GBP2: variants seen among roughly 807,000 people sequenced by gnomAD.
GBP2 encodes the protein guanylate binding protein 2, also known as guanylate-binding protein 2.
Under a neutral mutation model 60.8 loss-of-function variants are expected in GBP2, and 54 were observed. That is an observed-to-expected ratio of 0.89 (90% CI 0.71 to 1.11). The LOEUF is 1.11. Ranked by LOEUF, GBP2 falls within the 50% of genes most tolerant of loss-of-function variation. The probability of loss-of-function intolerance (pLI) is 0.00; values close to 1 mark genes in which losing one functional copy is unlikely to be tolerated. For missense variants in GBP2, 665 were observed against 703.3 expected, an observed-to-expected ratio of 0.95 and a Z score of 0.62; for synonymous variants, 243 against 256.5, an observed-to-expected ratio of 0.95 and a Z score of 0.50.
rs1273663495 is a variant in GBP2 at position 89,107,153 on chromosome 1, A to G, written c.*1022T>C. Reference sequence around the variant, plus strand: ...ATAATACACATCCTGAAACAATTGTAGTAGGATAATGTTTTGTATTAATGA... The same window carrying G: ...ATAATACACATCCTGAAACAATTGTGGTAGGATAATGTTTTGTATTAATGA... On this transcript the variant is annotated 3_prime_UTR_variant, in exon 11 of 11. Coordinates refer to ENST00000370466, the MANE Select transcript of GBP2 (RefSeq NM_004120.5). 1 of 152,122 alleles carries G rather than the reference A, an allele frequency of 6.6e-6. No homozygotes were observed. Among genetic ancestry groups the G allele is most frequent in the Non-Finnish European group, 1.5e-5 (1 of 68,020 alleles). 9.4% of individuals were successfully genotyped at this position (152,122 alleles called of 1,614,324 possible).
intron 10 of GBP2, among the ~76,000 whole-genome samples, chr1:89,108,690 C>G (rs1246282886): frequency 4.6e-5 from 7 of 152,070 alleles, no homozygotes; most frequent in Non-Finnish European, 8.8e-5. Context: ...TAACTCAAGA[C>G]TAGGGCAAGT....
At chr1:89,119,521 A>G (rs1022234796) in intron 4 of GBP2, 1 of 152,212 alleles carries the variant, frequency 6.6e-6, no homozygotes, top group African/African-American at 2.4e-5. Flanking sequence ...ATAATTGTCT[A>G]TTGGTTGCTA....
rs372694037 is a variant in GBP2 at position 89,122,099 on chromosome 1, G to A, written c.-17-116C>T. On this transcript the variant is annotated intron_variant, in intron 1 of 10. Coordinates refer to ENST00000370466, the MANE Select transcript of GBP2 (RefSeq NM_004120.5). ...TATGCTTGAACATTTTTTCATATAC[G>A]TTTTTTAAAGCCTGGTTTCTCTTTA... The A allele has an allele frequency of 4.3e-4, 266 of 617,126 alleles. 12 individuals are homozygous for A. Among genetic ancestry groups the A allele is most frequent in the African/African-American group, 2.4e-3 (127 of 53,118 alleles). The allele number at this position is 617,126 out of a possible 1,614,324, so 38.2% of individuals were successfully genotyped here. A position where few individuals can be genotyped will look rare whatever the true frequency, so the allele number is the denominator to read the frequency against.
intron 1 of GBP2, among the ~76,000 whole-genome samples, chr1:89,124,399 GAT>G (rs1386968262): frequency 2.0e-5 from 3 of 151,930 alleles, no homozygotes; most frequent in African/African-American, 7.3e-5. Flanking sequence ...TTTTTTTCTA[GAT>G]ATGTCACATT....
Position 89,109,861 on chromosome 1 carries a change from A to G in GBP2, c.1475T>C (p.Ile492Thr). 5.6e-6 allele frequency: 9 copies of G among 1,612,764 alleles called. No homozygotes were observed. Among genetic ancestry groups the G allele is most frequent in the Non-Finnish European group, 6.8e-6 (8 of 1,179,648 alleles). The change falls in exon 10 of 11, where the codon ATA becomes ACA. Residue 492 changes from isoleucine to threonine, a missense_variant. Physicochemically the swap from Ile to Thr is moderately conservative, Grantham distance 89. Coordinates refer to ENST00000370466, the MANE Select transcript of GBP2 (RefSeq NM_004120.5). Reference sequence around the variant, plus strand: ...TGCAGCTTCTGCAGATTCAGCCTTTATACGTTCCACTGTGGAAGAAAAATA... The same window carrying G: ...TGCAGCTTCTGCAGATTCAGCCTTTGTACGTTCCACTGTGGAAGAAAAATA... ...EKEKAIEVER[I>T]KAESAEAAKK... is the part of the protein sequence containing the mutation.
chr1:89,109,120 C>T (rs913011213), intron 10 of GBP2, among the ~76,000 whole-genome samples: 5 of 152,028 alleles, frequency 3.3e-5, no homozygotes, highest in African/African-American at 1.2e-4. Flanking sequence ...GTCTTGAACT[C>T]CCGACCTGAG....
rs1309236751 is a variant in GBP2 at position 89,117,590 on chromosome 1, T to C, written c.612A>G (p.Leu204=). The C allele has an allele frequency of 7.4e-6, 12 of 1,613,060 alleles. No individual in the cohort carries two copies. The highest frequency in any genetic ancestry group is 2.7e-5 in the African/African-American group (2 of 74,864). Residue 204 remains leucine, a synonymous_variant, in exon 5 of 11, where the codon CTA becomes CTG. Transcript: ENST00000370466. ...AGACCCAGTAACCTTTTCTTAGCTT[T>C]AGCGAAAGCTCCAAGTAGTCATCAG... ...ITADDYLELS[L]KLRKGTDKKS... is the part of the protein sequence containing the mutation.
intron 5 of GBP2, 93 bp from the exon 6 acceptor site, chr1:89,117,327 G>A (rs1335030174): frequency 3.5e-6 from 4 of 1,153,798 alleles, no homozygotes; most frequent in Non-Finnish European, 4.9e-6. Flanking sequence ...GCCCATGTAA[G>A]GAGGAAATTT....
chr1:89,117,343 G>A (rs1681298880), intron 5 of GBP2, 109 bp from the exon 6 acceptor site: 1 of 1,046,762 alleles, frequency 9.6e-7, no homozygotes, highest in African/African-American at 1.6e-5. Context: ...AATTTATTAG[G>A]AAGAAGAAAT....
Position 89,117,217 on chromosome 1 carries a change from T to C in GBP2, c.643A>G (p.Lys215Glu), listed in dbSNP as rs778639191. ...CACAACCGAGGATCATTAAAGCTTT[T>C]ACTTTTCTTATCAGTACCTACAGGA... ...KLRKGTDKKS[K>E]SFNDPRLCIR... The change falls in exon 6 of 11, where the codon AAA becomes GAA. Residue 215 changes from lysine (K) to glutamate (E), a missense_variant. By Grantham distance (56) the Lys-to-Glu change is moderately conservative. Coordinates refer to ENST00000370466, the MANE Select transcript of GBP2 (RefSeq NM_004120.5). 1.2e-6 allele frequency: 2 copies of C among 1,613,718 alleles called. No homozygotes were observed. Among genetic ancestry groups the C allele is most frequent in the Non-Finnish European group, 1.7e-6 (2 of 1,179,610 alleles).
chr1:89,115,967 T>A (rs4656097), intron 6 of GBP2, among the ~76,000 whole-genome samples: 96,307 of 151,766 alleles, frequency 0.63, 31,082 homozygotes, highest in East Asian at 0.78. Context: ...TTATTTGCTA[T>A]AAAGCTATTC....
At chr1:89,113,932 A>G (rs7517828) in intron 7 of GBP2, 84 bp downstream of exon 7, 43,157 of 1,443,248 alleles carry the variant, frequency 0.03, 1,017 homozygotes, top group African/African-American at 0.11. Context: ...ACTGAGTGTA[A>G]CTATTTTGGG....
At chr1:89,117,287 A>G (rs1681297514) in intron 5 of GBP2, 53 bp from the exon 6 acceptor site, 1 of 1,430,754 alleles carries the variant, frequency 7.0e-7, no homozygotes, top group Non-Finnish European at 9.7e-7. Context: ...TACTTCAAAT[A>G]TGATCTTTCA....
intron 8 of GBP2, among the ~76,000 whole-genome samples, chr1:89,110,493 T>C (rs972163325): frequency 6.6e-6 from 1 of 152,046 alleles, no homozygotes; most frequent in Non-Finnish European, 1.5e-5. Context: ...ATGTAAAACA[T>C]ATAATACCCC....
chr1:89,120,597 A>ATTTC (rs3835536), intron 3 of GBP2, among the ~76,000 whole-genome samples: 3,034 of 152,320 alleles, frequency 0.02, 38 homozygotes, highest in Middle Eastern at 0.065. Flanking sequence ...ACCCTATTCC[A>ATTTC]TTTCCATGGC....
chr1:89,121,283 A>G lies in GBP2; in HGVS notation c.191-13T>C. 6.3e-7 allele frequency: 1 copy of G among 1,581,172 alleles called. No homozygotes were observed. The highest frequency in any genetic ancestry group is 8.6e-7 in the Non-Finnish European group (1 of 1,166,428). On this transcript the variant is annotated splice_polypyrimidine_tract_variant and intron_variant, in intron 2 of 10. Coordinates refer to ENST00000370466, the MANE Select transcript of GBP2 (RefSeq NM_004120.5). Reference sequence around the variant, plus strand: ...CCTAGAGAGAAGCCTGTAGAAGGAGAGGATAAAAGGGAAAAGAAATTACTT... The same window carrying G: ...CCTAGAGAGAAGCCTGTAGAAGGAGGGGATAAAAGGGAAAAGAAATTACTT...
intron 9 of GBP2, 89 bp downstream of exon 9, chr1:89,110,075 T>A: frequency 9.8e-7 from 1 of 1,019,248 alleles, no homozygotes; most frequent in African/African-American, 1.6e-5. Flanking sequence ...CCATTCTTTC[T>A]CTACAATAAT....
chr1:89,114,605 A>G (rs1365520684), intron 6 of GBP2, among the ~76,000 whole-genome samples: 1 of 152,078 alleles, frequency 6.6e-6, no homozygotes, highest in African/African-American at 2.4e-5. Flanking sequence ...CTTCACTACT[A>G]ATTTATGAAA....
Position 89,110,154 on chromosome 1 carries a change from C to T in GBP2, c.1465+10G>A. On this transcript the variant is annotated intron_variant, in intron 9 of 10. Coordinates refer to ENST00000370466, the MANE Select transcript of GBP2 (RefSeq NM_004120.5). ...TTCCGACCATGTAGAGTGTTTTCAG[C>T]TGTTCTCACCTTCAATCGCTTTTTC... 1 of 1,593,254 alleles carries T rather than the reference C, an allele frequency of 6.3e-7. No individual in the cohort carries two copies. The highest frequency in any genetic ancestry group is 8.6e-7 in the Non-Finnish European group (1 of 1,162,232).
Sources: gnomAD v4.1 joint callset for allele counts (sites outside exome capture counted in the v4.1 genomes callset) on GRCh38, gnomAD v4.1.1 for gene constraint, MANE v1.5 for transcripts, NCBI Gene and HGNC (gene_info 2026-07-23, HGNC 2026-07-21) for gene names.